The following IPPK variants were observed in gnomAD, a reference collection of about 807,000 sequenced individuals.
IPPK encodes the protein IPK1 homolog.
A neutral mutation model predicts 64.6 loss-of-function variants in IPPK; 22 were observed. That is an observed-to-expected ratio of 0.34 (90% CI 0.24 to 0.49). IPPK has a LOEUF of 0.49. IPPK is among the 20% of genes least tolerant of loss of function. The pLI is 0.99. For synonymous variants in IPPK, 262 were observed against 247.2 expected (o/e 1.06, Z -0.56); for missense variants, 532 against 630.7 (o/e 0.84, Z 1.68).
chr9:92,642,663 A>C, intron 7 of IPPK, 89 bp downstream of exon 7: 1 of 1,128,946 alleles, frequency 8.9e-7, no homozygotes, highest in Non-Finnish European at 1.3e-6. Flanking sequence ...TTCCTACCTC[A>C]CGAAATACCC....
rs552975079 is a variant in IPPK, at chr9:92,649,919, G to A, written c.293-345C>T. Among the ~76,000 whole-genome samples, 8 of 151,972 alleles carry A rather than the reference G, an allele frequency of 5.3e-5. No homozygotes were observed. The South Asian group carries it at 6.3e-4, about 12-fold the overall frequency. On this transcript the variant is annotated intron_variant, in intron 4 of 12. Coordinates refer to ENST00000287996, the MANE Select transcript of IPPK (RefSeq NM_022755.6). ...CACGTGCCTACAGTCCCAGCTACTC[G>A]GGAGGCTGAAGCAGGAGAATTGCTT...
chr9:92,659,845 C>A (rs1014049734), intron 1 of IPPK, among the ~76,000 whole-genome samples: 2 of 152,108 alleles, frequency 1.3e-5, no homozygotes, highest in Admixed American at 6.5e-5. Flanking sequence ...GCCCCCTGGG[C>A]CCCTCTGACT....
At position 92,657,805 on chromosome 9, in the gene IPPK, G is replaced by A. The variant is rs1015899001; in HGVS notation, c.129+829C>T. On this transcript the variant is annotated intron_variant, in intron 2 of 12. Coordinates refer to ENST00000287996, the MANE Select transcript of IPPK (RefSeq NM_022755.6). ...TCTCCCCTCTTTCTACTGTGCCCAC[G>A]CGGCAGCTGTCACCTCCACCCACCA... is the stretch of plus-strand genomic sequence containing the variant. Among the ~76,000 whole-genome samples, 10 of 152,008 alleles carry A rather than the reference G, an allele frequency of 6.6e-5. No individual in the cohort carries two copies. In the East Asian group the frequency reaches 9.7e-4, roughly 15 times the overall value.
At position 92,619,500 on chromosome 9, in the gene IPPK, A is replaced by G; in HGVS notation, c.1236T>C (p.Cys412=). 6.3e-7 allele frequency: 1 copy of G among 1,590,808 alleles called. No individual in the cohort carries two copies. The highest frequency in any genetic ancestry group is 8.6e-7 in the Non-Finnish European group (1 of 1,168,912). Reference sequence around the variant, plus strand: ...GGGGGCCTCACCTGGCATCCTGCAGACAGGGAGACAGTGCAATCATGATGG... The same window carrying G: ...GGGGGCCTCACCTGGCATCCTGCAGGCAGGGAGACAGTGCAATCATGATGG... ...DCSIMIALSP[C]LQDASSDQRP... Residue 412 remains cysteine, a synonymous_variant, in exon 12 of 13, where the codon TGT becomes TGC. Transcript: ENST00000287996.
Position 92,635,215 on chromosome 9 carries a change from C to G in IPPK, c.1010G>C (p.Gly337Ala), listed in dbSNP as rs920046972. 2.5e-6 allele frequency: 4 copies of G among 1,614,170 alleles called. No homozygotes were observed. The highest frequency in any genetic ancestry group is 3.4e-6 in the Non-Finnish European group (4 of 1,180,012). The change falls in exon 10 of 13, where the codon GGC becomes GCC. Residue 337 changes from glycine (G) to alanine (A), a missense_variant. Transcript: ENST00000287996. The surrounding 1 kb of genome is among the most constrained non-coding windows in gnomAD (Gnocchi z 4.4). ...AACCCGGTTGTACAGAGGGTAGAGG[C>G]CTTCGATGTCCAGCAGGTCCAACAT... The part of the protein sequence containing the change: ...VQMLDLLDIE[G>A]LYPLYNRVER...
intron 6 of IPPK, among the ~76,000 whole-genome samples, chr9:92,646,579 C>G (rs1852154148): frequency 6.6e-6 from 1 of 152,134 alleles, no homozygotes; most frequent in African/African-American, 2.4e-5. Flanking sequence ...ACACAACATA[C>G]CAAAATGTAT....
At chr9:92,669,441 T>C (rs1373827312) in intron 1 of IPPK, among the ~76,000 whole-genome samples, 1 of 152,234 alleles carries the variant, frequency 6.6e-6, no homozygotes, top group African/African-American at 2.4e-5. Flanking sequence ...TGAACTCTTT[T>C]GGTGCTGAGA....
chr9:92,667,837 A>C (rs755930554), intron 1 of IPPK, among the ~76,000 whole-genome samples: 1 of 152,088 alleles, frequency 6.6e-6, no homozygotes, highest in Non-Finnish European at 1.5e-5. Context: ...CAGGAGGCAG[A>C]GGTTGCAGTG....
chr9:92,641,469 T>C (rs1852045152), intron 7 of IPPK, among the ~76,000 whole-genome samples: 1 of 152,238 alleles, frequency 6.6e-6, no homozygotes, highest in African/African-American at 2.4e-5. Flanking sequence ...TCCCTACTTA[T>C]GTTCTGACAC....
At chr9:92,639,023 T>C (rs1314623790) in intron 8 of IPPK, among the ~76,000 whole-genome samples, 1 of 152,198 alleles carries the variant, frequency 6.6e-6, no homozygotes, top group East Asian at 1.9e-4. Flanking sequence ...AGCAACTCTT[T>C]AAACCTTATT....
rs1851413046 is a variant in IPPK, at chr9:92,615,887, A to G, written c.1421T>C (p.Met474Thr). The G allele has an allele frequency of 6.2e-7, 1 of 1,614,230 alleles. No homozygotes were observed. Among genetic ancestry groups the G allele is most frequent in the Non-Finnish European group, 8.5e-7 (1 of 1,180,044 alleles). Reference sequence around the variant, plus strand: ...TTCGCTTTCCTTGAACCGAGTCGACATCACGGCGTTGTCTTTGGCACGTAC... The same window carrying G: ...TTCGCTTTCCTTGAACCGAGTCGACGTCACGGCGTTGTCTTTGGCACGTAC... ...KTVRAKDNAVMSTRFKESEDC... is the reference protein window; with the variant it reads ...KTVRAKDNAVTSTRFKESEDC... Residue 474 changes from methionine to threonine, a missense_variant, in exon 13 of 13, where the codon ATG (methionine) becomes ACG (threonine). Transcript: ENST00000287996.
At chr9:92,649,213 T>C (rs576092744) in intron 5 of IPPK, among the ~76,000 whole-genome samples, 1 of 152,202 alleles carries the variant, frequency 6.6e-6, no homozygotes, top group South Asian at 2.1e-4. Context: ...GCAGGGTGGG[T>C]GGGGTCTTCT....
intron 1 of IPPK, among the ~76,000 whole-genome samples, chr9:92,662,544 A>G (rs1225685055): frequency 6.6e-6 from 1 of 152,162 alleles, no homozygotes; most frequent in Non-Finnish European, 1.5e-5. Flanking sequence ...AAAGTGAAGA[A>G]AAAGAGTTAA....
At position 92,630,486 on chromosome 9, in the gene IPPK, CA is replaced by C. The variant is rs142785025; in HGVS notation, c.1170+3899del. ...GATTGCACGTATCTTTCAATACAGTCAAAACCGCTGCACTGAACACTTTCAG... is the reference window on the plus strand; with the variant it reads ...GATTGCACGTATCTTTCAATACAGTCAAACCGCTGCACTGAACACTTTCAG... On this transcript the variant is annotated intron_variant, in intron 11 of 12. Transcript: ENST00000287996. 6.7e-3 allele frequency among the ~76,000 whole-genome samples: 1,014 copies of C among 152,210 alleles called. 14 individuals carry two copies. The highest frequency in any genetic ancestry group is 0.023 in the African/African-American group (948 of 41,522).
In IPPK at chr9:92,615,930, T is replaced by G. The variant is rs367739499; in HGVS notation, c.1378A>C (p.Asn460His). 44 of 1,614,060 alleles carry G rather than the reference T, an allele frequency of 2.7e-5. No homozygotes were observed. The highest frequency in any genetic ancestry group is 4.0e-5 in the African/African-American group (3 of 74,922). ...HQYKLDGKIV[N>H]YYSKTVRAKD... is the part of the protein sequence containing the mutation. ...GCACGTACAGTCTTTGAATAATAGT[T>G]GACGATCTTGCCGTCCAGTTTATAC... The change falls in exon 13 of 13, where the codon AAC becomes CAC. Residue 460 changes from asparagine to histidine, a missense_variant. Physicochemically the swap from Asn to His is moderately conservative, Grantham distance 68. Coordinates refer to ENST00000287996, the MANE Select transcript of IPPK (RefSeq NM_022755.6).
chr9:92,643,127 C>T (rs1278298563), intron 6 of IPPK, among the ~76,000 whole-genome samples: 1 of 152,230 alleles, frequency 6.6e-6, no homozygotes, highest in East Asian at 1.9e-4. Flanking sequence ...ATGAGAGTAA[C>T]AAACCTTCAG....
chr9:92,657,318 C>A (rs1016679792), intron 2 of IPPK, among the ~76,000 whole-genome samples: 1 of 151,844 alleles, frequency 6.6e-6, no homozygotes, highest in Non-Finnish European at 1.5e-5. Context: ...CACTGCACTC[C>A]AGCCTGGATG....
At chr9:92,629,795 A>G (rs1851802395) in intron 11 of IPPK, among the ~76,000 whole-genome samples, 1 of 152,138 alleles carries the variant, frequency 6.6e-6, no homozygotes, top group Non-Finnish European at 1.5e-5. Flanking sequence ...ACATGAAAAG[A>G]TGCTCTTAGT....
At chr9:92,631,268 T>G (rs188741701) in intron 11 of IPPK, among the ~76,000 whole-genome samples, 1 of 150,394 alleles carries the variant, frequency 6.6e-6, no homozygotes, top group Admixed American at 6.7e-5. Flanking sequence ...CAATCTTGGC[T>G]CACTGCAGCC....
Sources: gnomAD v4.1 joint callset for allele counts (sites outside exome capture counted in the v4.1 genomes callset) on GRCh38, gnomAD v4.1.1 for gene constraint, Gnocchi (gnomAD v3.1) non-coding constraint, MANE v1.5 for transcripts, NCBI Gene and HGNC (gene_info 2026-07-23, HGNC 2026-07-21) for gene names.